Variants in NPAS3 observed in about 807,000 individuals in gnomAD.
NPAS3 encodes the protein neuronal PAS domain-containing protein 3.
NPAS3 carries 14 observed loss-of-function variants against 73.1 expected under a neutral mutation model. The ratio of observed to expected loss-of-function variants is 0.19; its 90% CI spans 0.13 to 0.30. The LOEUF is 0.30. NPAS3 is among the 10% of genes least tolerant of loss of function. NPAS3 has a pLI of 1.00. For synonymous variants in NPAS3, 620 were observed against 541.5 expected (o/e 1.14, Z -2.01); for missense variants, 1,096 against 1,250.0 (o/e 0.88, Z 1.86).
rs555195052 is a variant in NPAS3 at position 33,651,208 on chromosome 14, C to T, written c.559-25003C>T. Among the ~76,000 whole-genome samples, 54 of 152,296 alleles carry T rather than the reference C, an allele frequency of 3.5e-4. 1 individual carries two copies. The Middle Eastern group carries it at 0.031, about 86-fold the overall frequency. On this transcript the variant is annotated intron_variant, in intron 5 of 11. Transcript: ENST00000356141. ...GCCATGCAGTGCCATCTTCCTTTCT[C>T]CCGCCAAAGTGCTGCACTCTGCCTT...
At chr14:33,664,967 G>A (rs1472104917) in intron 5 of NPAS3, among the ~76,000 whole-genome samples, 1 of 152,168 alleles carries the variant, frequency 6.6e-6, no homozygotes, top group Non-Finnish European at 1.5e-5. Context: ...CAAGGATCTA[G>A]AACCAGAAAT....
intron 5 of NPAS3, among the ~76,000 whole-genome samples, chr14:33,561,934 G>A (rs937474252): frequency 9.9e-5 from 15 of 152,198 alleles, no homozygotes; most frequent in Admixed American, 2.6e-4. Context: ...AGATGTGTAT[G>A]TTTGCTTTGC....
At chr14:33,464,196 G>T (rs1014526407) in intron 4 of NPAS3, among the ~76,000 whole-genome samples, 1 of 152,144 alleles carries the variant, frequency 6.6e-6, no homozygotes, top group Admixed American at 6.5e-5. Context: ...TTGGACTCTG[G>T]AGTCCCCTGG....
chr14:33,416,528 A>C (rs1219128856), intron 4 of NPAS3, among the ~76,000 whole-genome samples: 2 of 151,488 alleles, frequency 1.3e-5, no homozygotes, highest in African/African-American at 4.9e-5. Context: ...GAATAATTAA[A>C]ACATAGACAT....
chr14:33,183,145 G>A (rs1435761203), intron 2 of NPAS3, among the ~76,000 whole-genome samples: 2 of 152,090 alleles, frequency 1.3e-5, no homozygotes, highest in Admixed American at 6.5e-5. Flanking sequence ...CCATTCTTGG[G>A]CTGGGTGCGG....
chr14:33,019,587 A>G (rs562113923), intron 1 of NPAS3, among the ~76,000 whole-genome samples: 2 of 152,154 alleles, frequency 1.3e-5, no homozygotes, highest in Admixed American at 1.3e-4. Context: ...TGTCTCTTCA[A>G]AGGTGTGTGA....
At chr14:33,170,119 T>C (rs1437038208) in intron 2 of NPAS3, among the ~76,000 whole-genome samples, 1 of 152,286 alleles carries the variant, frequency 6.6e-6, no homozygotes, top group South Asian at 2.1e-4. Context: ...ATCTCTATAC[T>C]GAGAGTTACA....
At chr14:33,609,153 T>G (rs2057670280) in intron 5 of NPAS3, among the ~76,000 whole-genome samples, 3 of 151,098 alleles carry the variant, frequency 2.0e-5, no homozygotes, top group Admixed American at 2.0e-4. Flanking sequence ...TAAATTATTG[T>G]GATTATTTAA....
At chr14:33,732,780 T>C (rs1453101087) in intron 6 of NPAS3, among the ~76,000 whole-genome samples, 2 of 152,196 alleles carry the variant, frequency 1.3e-5, no homozygotes, top group Non-Finnish European at 2.9e-5. Context: ...CCTGTATGTT[T>C]AGGCAATTAC....
intron 2 of NPAS3, among the ~76,000 whole-genome samples, chr14:33,172,051 A>G (rs1338734866): frequency 6.6e-6 from 1 of 152,206 alleles, no homozygotes; most frequent in Non-Finnish European, 1.5e-5. Flanking sequence ...GCCATCGTAT[A>G]TAAGCATGAT....
intron 3 of NPAS3, among the ~76,000 whole-genome samples, chr14:33,216,504 T>C (rs535508451): frequency 7.4e-4 from 113 of 152,206 alleles, no homozygotes; most frequent in Non-Finnish European, 1.5e-3. Flanking sequence ...TACTTGGGGA[T>C]TGTGTTATGC....
At position 33,771,302 on chromosome 14, in the gene NPAS3, T is replaced by G. The variant is rs1485949266; in HGVS notation, c.853-3035T>G. ...ACAGATATCCCTTTCTTCTCTTCAA[T>G]TCCACCCTCCCTCAAACCCACACAT... is the stretch of plus-strand genomic sequence containing the variant. On this transcript the variant is annotated intron_variant, in intron 7 of 11. Transcript: ENST00000356141. Among the ~76,000 whole-genome samples, 4 of 152,144 alleles carry G rather than the reference T, an allele frequency of 2.6e-5. No individual in the cohort carries two copies. In the East Asian group the frequency reaches 7.7e-4, roughly 29 times the overall value.
intron 4 of NPAS3, among the ~76,000 whole-genome samples, chr14:33,507,859 C>T (rs1430727870): frequency 6.6e-6 from 1 of 151,980 alleles, no homozygotes; most frequent in Non-Finnish European, 1.5e-5. Context: ...CACACATAAG[C>T]ACTTTCTGGT....
intron 2 of NPAS3, among the ~76,000 whole-genome samples, chr14:33,206,576 T>A (rs888907621): frequency 6.6e-6 from 1 of 152,182 alleles, no homozygotes; most frequent in Admixed American, 6.5e-5. Context: ...CCTTCCATAG[T>A]CACTGTTACC....
chr14:33,199,626 GTTTC>G (rs2046535171), intron 2 of NPAS3, among the ~76,000 whole-genome samples: 1 of 151,682 alleles, frequency 6.6e-6, no homozygotes, highest in African/African-American at 2.4e-5. Context: ...GAATGTATCT[GTTTC>G]TTTCCTCCTT....
intron 6 of NPAS3, chr14:33,681,151 T>G (rs10133148): frequency 0.52 from 78,524 of 152,246 alleles, 22,541 homozygotes; most frequent in East Asian, 0.91. Flanking sequence ...ATAATTAGAC[T>G]AACAAATGTC....
chr14:33,308,581 CTA>C (rs1253779823), intron 3 of NPAS3, among the ~76,000 whole-genome samples: 1 of 39,868 alleles, frequency 2.5e-5, no homozygotes, highest in Admixed American at 2.8e-4. Flanking sequence ...ATATGTATAT[CTA>C]TATATATGAT....
intron 3 of NPAS3, among the ~76,000 whole-genome samples, chr14:33,278,421 T>G (rs1263263487): frequency 2.0e-5 from 3 of 150,408 alleles, no homozygotes; most frequent in Non-Finnish European, 4.4e-5. Context: ...TATTTATAGA[T>G]CAGAAAATGA....
intron 1 of NPAS3, among the ~76,000 whole-genome samples, chr14:32,942,735 G>A (rs1426761564): frequency 6.6e-6 from 1 of 152,168 alleles, no homozygotes; most frequent in Non-Finnish European, 1.5e-5. Context: ...TACAGTATAA[G>A]CTTAAATAGG....
Sources: allele counts gnomAD v4.1 joint callset (sites outside exome capture counted in the v4.1 genomes callset), GRCh38; gene constraint gnomAD v4.1.1; transcripts MANE v1.5; gene names NCBI Gene and HGNC (gene_info 2026-07-23, HGNC 2026-07-21).